ARX: variants seen among roughly 807,000 people sequenced by gnomAD.
The protein encoded by ARX is homeobox protein ARX.
A neutral mutation model predicts 23.1 loss-of-function variants in ARX; 1 was observed. The observed-to-expected ratio is 0.04, with a 90% CI of 0.02 to 0.21. The LOEUF (loss-of-function observed/expected upper bound fraction) is 0.21. Among genes scored for constraint, ARX ranks in the 10% least tolerant of loss-of-function variants. The pLI is 1.00. For missense variants in ARX, 380 were observed against 527.5 expected (o/e 0.72, Z 2.74); for synonymous variants, 301 against 270.1 (o/e 1.11, Z -1.12).
chrX:25,015,913 C>T lies in ARX; in HGVS notation c.-176G>A, dbSNP rs748008385. The T allele has an allele frequency of 1.3e-5, 7 of 528,718 alleles. No homozygotes were observed. In the Admixed American group the frequency reaches 1.8e-4, roughly 14 times the overall value. 43.6% of individuals were successfully genotyped at this position (528,718 alleles called of 1,213,427 possible). On this transcript the variant is annotated 5_prime_UTR_variant, in exon 1 of 5. Coordinates refer to ENST00000379044, the MANE Select transcript of ARX (RefSeq NM_139058.3). ...GCCGGCTGCCGGCTCCCGCCCTGCCCGCGGCCCGAGCTCGCCCTCTCCGCG... is the reference window on the plus strand; with the variant it reads ...GCCGGCTGCCGGCTCCCGCCCTGCCTGCGGCCCGAGCTCGCCCTCTCCGCG...
In ARX at chrX:25,004,511, G is replaced by C. The variant is rs1601945509; in HGVS notation, c.*159C>G. On this transcript the variant is annotated 3_prime_UTR_variant, in exon 5 of 5. Coordinates refer to ENST00000379044, the MANE Select transcript of ARX (RefSeq NM_139058.3). Reference sequence around the variant, plus strand: ...GAGGTGCCACGTCCCGGAGCGCCGAGGGCTGCCATGCCCGCATCCAGACTG... The same window carrying C: ...GAGGTGCCACGTCCCGGAGCGCCGACGGCTGCCATGCCCGCATCCAGACTG... The C allele has an allele frequency of 1.0e-6, 1 of 963,715 alleles. No homozygotes were observed. Among genetic ancestry groups the C allele is most frequent in the Non-Finnish European group, 1.4e-6 (1 of 713,972 alleles). 79.4% of individuals were successfully genotyped at this position (963,715 alleles called of 1,213,427 possible).
At position 25,004,651 on chromosome X, in the gene ARX, C is replaced by A. The variant is rs766012640; in HGVS notation, c.*19G>T. ...GACCTTTCGGGGCGCGCGCGGGGCG[C>A]GGGTGTGGAGGGCAGCCTTTAGCAC... is the stretch of plus-strand genomic sequence containing the variant. On this transcript the variant is annotated 3_prime_UTR_variant, in exon 5 of 5. Coordinates refer to ENST00000379044, the MANE Select transcript of ARX (RefSeq NM_139058.3). 4.3e-6 allele frequency: 5 copies of A among 1,163,310 alleles called. No homozygotes were observed. The highest frequency in any genetic ancestry group is 1.8e-5 in the African/African-American group (1 of 56,105).
At chrX:25,014,281 C>T (rs1452234061) in intron 1 of ARX, among the ~76,000 whole-genome samples, 1 of 111,849 alleles carries the variant, frequency 8.9e-6, no homozygotes, top group Non-Finnish European at 1.9e-5. Context: ...CCTACTCTCT[C>T]ATTTTTATTT....
At chrX:25,010,193 C>CCCAAG in intron 3 of ARX, 67 bp downstream of exon 3, 1 of 1,104,494 alleles carries the variant, frequency 9.1e-7, no homozygotes, top group Non-Finnish European at 1.2e-6. Flanking sequence ...CGCCACCAAC[C>CCCAAG]CATCTCTCTC....
rs763010228 is a variant in ARX, at chrX:25,015,560, G to T, written c.178C>A (p.Pro60Thr). 1 of 1,210,774 alleles carries T rather than the reference G, an allele frequency of 8.3e-7. No homozygotes were observed. Among genetic ancestry groups the T allele is most frequent in the Non-Finnish European group, 1.1e-6 (1 of 895,011 alleles). ...LPAPLTSRAD[P>T]EKAVQGSPKS... is the part of the protein sequence containing the mutation. ...TCCTTACCTTGCACGGCCTTTTCCG[G>T]GTCGGCGCGGCTGGTCAGCGGAGCA... The change falls in exon 1 of 5, where the codon CCG becomes ACG. Residue 60 changes from proline (P) to threonine (T), a missense_variant. This residue lies in a region of ARX where 235 missense variants were observed against 270.2 expected (regional missense o/e 0.87). Transcript: ENST00000379044.
At chrX:25,014,659 AG>A (rs1375997506) in intron 1 of ARX, among the ~76,000 whole-genome samples, 1 of 113,391 alleles carries the variant, frequency 8.8e-6, no homozygotes, top group Non-Finnish European at 1.9e-5. Flanking sequence ...CGCCTGGCAT[AG>A]GTGCCACTGC....
chrX:25,010,009 C>T (rs1333086778), intron 3 of ARX, among the ~76,000 whole-genome samples: 1 of 111,334 alleles, frequency 9.0e-6, no homozygotes, highest in East Asian at 2.8e-4. Flanking sequence ...GACTCTAAAG[C>T]CCTTGTTCTG....
At position 25,007,100 on chromosome X, in the gene ARX, C is replaced by A. The variant is rs770767691; in HGVS notation, c.1448+11G>T. 5 of 1,187,186 alleles carry A rather than the reference C, an allele frequency of 4.2e-6. No individual in the cohort carries two copies. The highest frequency in any genetic ancestry group is 5.7e-6 in the Non-Finnish European group (5 of 883,463). ...CAGACAGACAGACAGACTTCCGAGGCTGCGCGTTACCTGCCGAATGCCGGG... is the reference window on the plus strand; with the variant it reads ...CAGACAGACAGACAGACTTCCGAGGATGCGCGTTACCTGCCGAATGCCGGG... On this transcript the variant is annotated intron_variant, in intron 4 of 4. Transcript: ENST00000379044.
intron 3 of ARX, among the ~76,000 whole-genome samples, chrX:25,009,791 A>C (rs777386394): frequency 1.8e-4 from 20 of 112,115 alleles, no homozygotes; most frequent in African/African-American, 6.5e-4. Flanking sequence ...TTTGCCTTCA[A>C]ATGGCCCTGT....
Position 25,013,158 on chromosome X carries a change from G to T in ARX, c.837C>A (p.Ala279=). 2.5e-6 allele frequency: 3 copies of T among 1,195,467 alleles called. No homozygotes were observed. Among genetic ancestry groups the T allele is most frequent in the Non-Finnish European group, 3.4e-6 (3 of 888,552 alleles). ...AATGAVAAAA[A]AAVATEGGEL... ...CCCCGCCCTCTGTGGCCACTGCAGC[G>T]GCAGCTGCTGCGGCCACGGCGCCAG... The change falls in exon 2 of 5, where the codon GCC becomes GCA. Residue 279 remains alanine, a synonymous_variant. Transcript: ENST00000379044.
At chrX:25,013,829 G>T (rs1601948862) in intron 1 of ARX, 31 bp from the exon 2 acceptor site, 24 of 907,245 alleles carry the variant, frequency 2.6e-5, no homozygotes, top group Non-Finnish European at 3.3e-5. Context: ...TCAGCCAGCC[G>T]GCCGGCCGGG....
rs1268793084 is a variant in ARX at position 25,013,305 on chromosome X, C to A, written c.690G>T (p.Leu230=). 1 of 1,155,568 alleles carries A rather than the reference C, an allele frequency of 8.7e-7. No homozygotes were observed. Among genetic ancestry groups the A allele is most frequent in the South Asian group, 1.9e-5 (1 of 52,681 alleles). Residue 230 remains leucine, a synonymous_variant, in exon 2 of 5, where the codon CTG becomes CTT. Coordinates refer to ENST00000379044, the MANE Select transcript of ARX (RefSeq NM_139058.3). ...CGTCCTCATCTTCTTCGTCCTCCAG[C>A]AGCTCCTCCTCGTCGTCCTCGGTGC... ...GTGTEDDEEE[L]LEDEEDEDEE...
chrX:25,014,309 C>A (rs1038377054), intron 1 of ARX, among the ~76,000 whole-genome samples: 2 of 111,918 alleles, frequency 1.8e-5, no homozygotes, highest in Non-Finnish European at 3.8e-5. Context: ...CACGTCGGGG[C>A]AGAGGAAAAT....
intron 2 of ARX, among the ~76,000 whole-genome samples, chrX:25,011,246 C>A (rs1021841377): frequency 1.8e-5 from 2 of 112,148 alleles, no homozygotes; most frequent in Non-Finnish European, 3.8e-5. Flanking sequence ...GGTAAACCGT[C>A]TCCATAAGTG....
chrX:25,007,472 GC>G, intron 3 of ARX, 33 bp from the exon 4 acceptor site: 2 of 1,140,939 alleles, frequency 1.8e-6, no homozygotes, highest in Non-Finnish European at 2.3e-6. Flanking sequence ...GGTCGGCGCG[GC>G]TCGGCCCGGC....
In ARX at chrX:25,004,859, G is replaced by A. The variant is rs1482080449; in HGVS notation, c.1500C>T (p.Leu500=). 1 of 1,151,281 alleles carries A rather than the reference G, an allele frequency of 8.7e-7. No homozygotes were observed. The allele number at this position is 1,151,281 out of a possible 1,213,427, so 94.9% of individuals were successfully genotyped here. Residue 500 remains leucine, a synonymous_variant, in exon 5 of 5, where the codon CTC becomes CTT. Transcript: ENST00000379044. ...CCACGGCGGGTGTGGGCTGTCTCAG[G>A]AGCGCGGCCGCGGTCGACGCGCTGG... The part of the protein sequence containing the change: ...PLTSASTAAA[L]LRQPTPAVEG...
At chrX:25,005,521 T>C (rs1382120377) in intron 4 of ARX, among the ~76,000 whole-genome samples, 1 of 112,294 alleles carries the variant, frequency 8.9e-6, no homozygotes, top group East Asian at 2.9e-4. Flanking sequence ...CGCGCGGGAC[T>C]CAGCTACCCG....
rs186187643 is a variant in ARX, at chrX:25,004,589, C to T, written c.*81G>A. The stretch of plus-strand genomic sequence containing the variant: ...GCCGTCTCGGGAGTGTGCTGGTCCT[C>T]TGTTTCCATTTGGTCTTGAGTGGTG... On this transcript the variant is annotated 3_prime_UTR_variant, in exon 5 of 5. Coordinates refer to ENST00000379044, the MANE Select transcript of ARX (RefSeq NM_139058.3). 241 of 1,151,417 alleles carry T rather than the reference C, an allele frequency of 2.1e-4. No homozygotes were observed. The East Asian group carries it at 7.4e-3, about 36-fold the overall frequency. 94.9% of individuals were successfully genotyped at this position (1,151,417 alleles called of 1,213,427 possible). A position where few individuals can be genotyped will look rare whatever the true frequency, so the allele number is the denominator to read the frequency against.
In ARX at chrX:25,013,203, C is replaced by T; in HGVS notation, c.792G>A (p.Arg264=). The T allele has an allele frequency of 8.5e-7, 1 of 1,174,701 alleles. No homozygotes were observed. The highest frequency in any genetic ancestry group is 1.1e-6 in the Non-Finnish European group (1 of 878,209). ...DDARALLKEP[R]RCPVAATGAV... ...CGCCAGTGGCGGCCACAGGACAGCG[C>T]CGGGGCTCCTTGAGCAGCGCGCGGG... The change falls in exon 2 of 5, where the codon CGG becomes CGA. Residue 264 remains arginine, a synonymous_variant. Coordinates refer to ENST00000379044, the MANE Select transcript of ARX (RefSeq NM_139058.3).
Sources: allele counts gnomAD v4.1 joint callset (sites outside exome capture counted in the v4.1 genomes callset), GRCh38; gene constraint gnomAD v4.1.1; regional missense constraint gnomAD v4.1.1; transcripts MANE v1.5; gene names NCBI Gene and HGNC (gene_info 2026-07-23, HGNC 2026-07-21).